Variants in PPP6R2 observed in about 807,000 individuals in gnomAD.
PPP6R2 encodes the protein serine/threonine-protein phosphatase 6 regulatory subunit 2.
In PPP6R2, 62 loss-of-function variants were observed where a neutral mutation model predicts 100.2. That is an observed-to-expected ratio of 0.62 (90% CI 0.50 to 0.76). The LOEUF (loss-of-function observed/expected upper bound fraction) is 0.76, where lower values mean the gene tolerates loss of function less well. PPP6R2 is among the 30% of genes least tolerant of loss of function. The pLI is 0.00. For missense variants in PPP6R2, 1,142 were observed against 1,276.3 expected, an observed-to-expected ratio of 0.89 and a Z score of 1.60; for synonymous variants, 525 against 514.7, an observed-to-expected ratio of 1.02 and a Z score of -0.27.
chr22:50,356,927 C>G (rs1024870293), intron 1 of PPP6R2, among the ~76,000 whole-genome samples: 13 of 143,570 alleles, frequency 9.1e-5, no homozygotes, highest in Non-Finnish European at 1.8e-4. Context: ...GAGGGAGACT[C>G]TGTCTCAAAA....
At chr22:50,334,635 T>C in the PPP6R2 span, among the ~76,000 whole-genome samples, 1 of 152,202 alleles carries the variant, frequency 6.6e-6, no homozygotes, top group East Asian at 1.9e-4. Flanking sequence ...TCTATACAGA[T>C]TTCAGTATTA....
At chr22:50,354,169 G>A (rs931575028) in intron 1 of PPP6R2, among the ~76,000 whole-genome samples, 3 of 152,036 alleles carry the variant, frequency 2.0e-5, no homozygotes, top group Non-Finnish European at 4.4e-5. Context: ...GCCGGGCATG[G>A]TGGCACGTGG....
intron 2 of PPP6R2, among the ~76,000 whole-genome samples, chr22:50,377,049 A>G (rs765868050): frequency 3.1e-4 from 47 of 152,174 alleles, no homozygotes; most frequent in Non-Finnish European, 5.9e-4. Context: ...AATAAAAAGA[A>G]ATAAATATTT....
intron 2 of PPP6R2, among the ~76,000 whole-genome samples, chr22:50,376,311 C>G (rs1306961730): frequency 6.6e-6 from 1 of 151,906 alleles, no homozygotes; most frequent in East Asian, 1.9e-4. Context: ...CAAAGTGAAA[C>G]CTTGTCTCAA....
At chr22:50,419,907 G>A (rs781117412) in intron 8 of PPP6R2, among the ~76,000 whole-genome samples, 34 of 152,340 alleles carry the variant, frequency 2.2e-4, no homozygotes, top group South Asian at 4.1e-4. Flanking sequence ...GCTGTCTCCC[G>A]TGCCCTGTGC....
rs1237126408 is a variant in PPP6R2, at chr22:50,368,227, G to A, written c.-147-3793G>A. 1.3e-5 allele frequency among the ~76,000 whole-genome samples: 2 copies of A among 152,206 alleles called. 1 individual carries two copies. The highest frequency in any genetic ancestry group is 3.9e-4 in the East Asian group (2 of 5,188). On this transcript the variant is annotated intron_variant, in intron 1 of 23. Coordinates refer to ENST00000612753, the MANE Select transcript of PPP6R2 (RefSeq NM_001242898.2). ...TACGCCTCCAGATGGCTGCGGGCGG[G>A]CCTGACTGATGTCAGGCCTTCCACA...
chr22:50,380,809 GA>G (rs1421840803), intron 2 of PPP6R2, among the ~76,000 whole-genome samples: 2 of 150,926 alleles, frequency 1.3e-5, no homozygotes, highest in East Asian at 4.1e-4. Flanking sequence ...CTAACACAGT[GA>G]AACCCCTTCA....
intron 1 of PPP6R2, among the ~76,000 whole-genome samples, chr22:50,364,764 T>C (rs982676813): frequency 6.6e-6 from 1 of 152,130 alleles, no homozygotes; most frequent in African/African-American, 2.4e-5. Context: ...ACACTCAGCA[T>C]ATTTAGATAG....
chr22:50,402,782 G>A (rs2146993516), intron 3 of PPP6R2, among the ~76,000 whole-genome samples: 1 of 152,286 alleles, frequency 6.6e-6, no homozygotes, highest in South Asian at 2.1e-4. Context: ...AACTACTAGA[G>A]CAGCACCTGT....
chr22:50,334,481 C>T, the PPP6R2 span, among the ~76,000 whole-genome samples: 1 of 152,034 alleles, frequency 6.6e-6, no homozygotes, highest in South Asian at 2.1e-4. Context: ...TAGTAATATT[C>T]ATATATAATC....
chr22:50,414,331 G>GGCCCC (rs2060189395), intron 4 of PPP6R2, among the ~76,000 whole-genome samples: 2 of 26,776 alleles, frequency 7.5e-5, no homozygotes, highest in Non-Finnish European at 1.1e-4. Flanking sequence ...CTGTGCAGTG[G>GGCCCC]CCCCCCCCCC....
intron 5 of PPP6R2, among the ~76,000 whole-genome samples, chr22:50,415,812 G>A (rs2060451896): frequency 6.6e-6 from 1 of 152,198 alleles, no homozygotes. Flanking sequence ...TGGCTCATTT[G>A]CACCCTGGTC....
intron 1 of PPP6R2, among the ~76,000 whole-genome samples, chr22:50,358,992 C>CCT: frequency 7.0e-5 from 1 of 14,308 alleles, no homozygotes; most frequent in Non-Finnish European, 1.1e-4. Flanking sequence ...AAAGAACCGC[C>CCT]CCCCCCCCCC....
chr22:50,409,450 G>A (rs1475546154), intron 4 of PPP6R2, among the ~76,000 whole-genome samples: 1 of 151,730 alleles, frequency 6.6e-6, no homozygotes, highest in Non-Finnish European at 1.5e-5. Context: ...TTTTTTTGAG[G>A]CAGAGTCTTG....
At chr22:50,418,772 G>A in intron 6 of PPP6R2, 95 bp from the exon 7 acceptor site, 1 of 888,490 alleles carries the variant, frequency 1.1e-6, no homozygotes, top group African/African-American at 1.7e-5. Context: ...ATCTGCCAGA[G>A]AAGCAGCAGG....
intron 7 of PPP6R2, 99 bp from the exon 8 acceptor site, chr22:50,419,250 G>T (rs539535582): frequency 9.3e-7 from 1 of 1,074,970 alleles, no homozygotes; most frequent in Non-Finnish European, 1.4e-6. Context: ...GCAGGTTGAG[G>T]GTTTTGCTGG....
chr22:50,432,455 C>A, intron 12 of PPP6R2, 126 bp downstream of exon 12: 1 of 865,252 alleles, frequency 1.2e-6, no homozygotes, highest in Non-Finnish European at 1.8e-6. Flanking sequence ...GGGTGTGCGA[C>A]GTGGCTCCAC....
intron 3 of PPP6R2, among the ~76,000 whole-genome samples, chr22:50,398,325 C>T (rs1040098039): frequency 4.0e-5 from 6 of 151,470 alleles, no homozygotes; most frequent in Non-Finnish European, 8.8e-5. Context: ...ACATGCATCA[C>T]CACACCCAGC....
intron 8 of PPP6R2, among the ~76,000 whole-genome samples, chr22:50,421,104 C>G (rs1000801828): frequency 2.0e-5 from 3 of 152,174 alleles, no homozygotes; most frequent in Non-Finnish European, 4.4e-5. Flanking sequence ...CTCTCTCTCT[C>G]TCTGTCTGTC....
Sources: gnomAD v4.1 joint callset for allele counts (sites outside exome capture counted in the v4.1 genomes callset) on GRCh38, gnomAD v4.1.1 for gene constraint, MANE v1.5 for transcripts, NCBI Gene and HGNC (gene_info 2026-07-23, HGNC 2026-07-21) for gene names.